Variants in ANGPT1 observed in about 807,000 individuals in gnomAD.
ANGPT1 encodes angiopoietin 1.
ANGPT1 carries 17 observed loss-of-function variants against 62.2 expected under a neutral mutation model. That is an observed-to-expected ratio of 0.27 (90% CI 0.19 to 0.41). The LOEUF is 0.41. Ranked by LOEUF, ANGPT1 falls within the 10% of genes least tolerant of loss-of-function variation. The pLI, the probability that ANGPT1 is intolerant of heterozygous loss-of-function variation, is 1.00. For missense variants in ANGPT1, 478 were observed against 594.9 expected (o/e 0.80, Z 2.04); for synonymous variants, 199 against 198.9 (o/e 1.00, Z 0.00).
chr8:107,377,144 C>A (rs189995556), intron 1 of ANGPT1, among the ~76,000 whole-genome samples: 221 of 152,288 alleles, frequency 1.5e-3, no homozygotes, highest in African/African-American at 5.1e-3. Context: ...TGTTTCATTT[C>A]ACTTCAATAC....
intron 1 of ANGPT1, among the ~76,000 whole-genome samples, chr8:107,442,083 C>A (rs1184680729): frequency 6.7e-5 from 10 of 149,998 alleles, no homozygotes; most frequent in Non-Finnish European, 1.3e-4. Context: ...CACTCCGTCT[C>A]AAAAAAAAAG....
At chr8:107,288,994 T>C (rs1814210066) in intron 6 of ANGPT1, among the ~76,000 whole-genome samples, 1 of 152,158 alleles carries the variant, frequency 6.6e-6, no homozygotes, top group South Asian at 2.1e-4. Context: ...CAGCAACGAA[T>C]GAGTAAACAA....
intron 3 of ANGPT1, among the ~76,000 whole-genome samples, chr8:107,330,330 G>A (rs1275079986): frequency 2.0e-5 from 3 of 152,108 alleles, no homozygotes; most frequent in African/African-American, 7.2e-5. Context: ...CAAATAATAT[G>A]TGACTTAGTC....
chr8:107,396,517 C>CTTTTTT (rs10686360), intron 1 of ANGPT1, among the ~76,000 whole-genome samples: 186 of 84,782 alleles, frequency 2.2e-3, no homozygotes, highest in East Asian at 4.1e-3. Context: ...TCTTTTCTCT[C>CTTTTTT]TTTTTTTTTT....
At chr8:107,374,497 G>A (rs1350917777) in intron 1 of ANGPT1, among the ~76,000 whole-genome samples, 1 of 152,206 alleles carries the variant, frequency 6.6e-6, no homozygotes, top group Admixed American at 6.5e-5. Context: ...CCAGCCAAGG[G>A]TGTAAGTGGG....
chr8:107,476,237 A>G (rs1586354909), intron 1 of ANGPT1, among the ~76,000 whole-genome samples: 1 of 152,352 alleles, frequency 6.6e-6, no homozygotes, highest in South Asian at 2.1e-4. Flanking sequence ...CATATACACC[A>G]TGGAATACTA....
In ANGPT1 at chr8:107,351,939, A is replaced by C. The variant is rs138490860; in HGVS notation, c.298-4842T>G. On this transcript the variant is annotated intron_variant, in intron 1 of 8. Transcript: ENST00000517746. ...CGCAGTTCATTGAATCTTTAGAACA[A>C]TCCAGGTACTGTAAGTATTATTTTC... Among the ~76,000 whole-genome samples, 16 of 152,286 alleles carry C rather than the reference A, an allele frequency of 1.1e-4. 1 individual carries two copies. The highest frequency in any genetic ancestry group is 1.9e-4 in the Non-Finnish European group (13 of 67,996).
At chr8:107,311,727 A>G (rs1814868630) in intron 4 of ANGPT1, among the ~76,000 whole-genome samples, 1 of 152,232 alleles carries the variant, frequency 6.6e-6, no homozygotes, top group Admixed American at 6.5e-5. Context: ...TCTCATGTGT[A>G]TAACAACGTA....
At chr8:107,378,721 C>G (rs908695487) in intron 1 of ANGPT1, among the ~76,000 whole-genome samples, 1 of 152,038 alleles carries the variant, frequency 6.6e-6, no homozygotes, top group African/African-American at 2.4e-5. Flanking sequence ...GGCTCTTCCC[C>G]CTTCCCTTGG....
chr8:107,347,176 A>G, intron 1 of ANGPT1, 79 bp from the exon 2 acceptor site: 2 of 1,418,154 alleles, frequency 1.4e-6, no homozygotes, highest in Admixed American at 1.9e-5. Flanking sequence ...TACAATAACA[A>G]AACAAGACAC....
At chr8:107,446,111 G>T (rs1351027515) in intron 1 of ANGPT1, among the ~76,000 whole-genome samples, 1 of 151,998 alleles carries the variant, frequency 6.6e-6, no homozygotes, top group Non-Finnish European at 1.5e-5. Flanking sequence ...TAGAGACTGG[G>T]TTTCACCATG....
intron 1 of ANGPT1, among the ~76,000 whole-genome samples, chr8:107,390,579 G>T (rs1217274424): frequency 6.6e-6 from 1 of 152,178 alleles, no homozygotes; most frequent in Non-Finnish European, 1.5e-5. Flanking sequence ...AGAGGATCCA[G>T]AATGAATCCT....
chr8:107,461,262 G>A (rs956308792), intron 1 of ANGPT1, among the ~76,000 whole-genome samples: 4 of 151,976 alleles, frequency 2.6e-5, no homozygotes, highest in African/African-American at 4.8e-5. Flanking sequence ...GGAAACTCTG[G>A]TAATTAATTA....
intron 1 of ANGPT1, among the ~76,000 whole-genome samples, chr8:107,483,892 A>G (rs1268709737): frequency 6.6e-6 from 1 of 152,206 alleles, no homozygotes; most frequent in Non-Finnish European, 1.5e-5. Flanking sequence ...GAAAAGTAAA[A>G]ATAGCAATGA....
At chr8:107,385,906 A>G (rs1816723370) in intron 1 of ANGPT1, among the ~76,000 whole-genome samples, 1 of 152,008 alleles carries the variant, frequency 6.6e-6, no homozygotes, top group Non-Finnish European at 1.5e-5. Flanking sequence ...TTTTGTTTTC[A>G]GTTCTGTTGC....
chr8:107,345,064 GA>G (rs929773861), intron 2 of ANGPT1, among the ~76,000 whole-genome samples: 3 of 151,970 alleles, frequency 2.0e-5, no homozygotes, highest in African/African-American at 7.2e-5. Context: ...AAATGAAAGT[GA>G]AAAAAACACA....
At chr8:107,386,664 G>A (rs989039722) in intron 1 of ANGPT1, among the ~76,000 whole-genome samples, 10 of 152,106 alleles carry the variant, frequency 6.6e-5, no homozygotes, top group Admixed American at 6.6e-4. Flanking sequence ...AACTTCAAGT[G>A]TGGTATTAAT....
chr8:107,403,143 C>G (rs906350601), intron 1 of ANGPT1, among the ~76,000 whole-genome samples: 2 of 152,110 alleles, frequency 1.3e-5, no homozygotes, highest in African/African-American at 4.8e-5. Flanking sequence ...TGTTAAAACT[C>G]TGTTATGATT....
At chr8:107,341,082 A>G (rs1202782086) in intron 2 of ANGPT1, among the ~76,000 whole-genome samples, 1 of 152,210 alleles carries the variant, frequency 6.6e-6, no homozygotes, top group South Asian at 2.1e-4. Flanking sequence ...AAAATGAACT[A>G]TCGAGATGCA....
Sources: gnomAD v4.1 joint callset for allele counts (sites outside exome capture counted in the v4.1 genomes callset) on GRCh38, gnomAD v4.1.1 for gene constraint, MANE v1.5 for transcripts, NCBI Gene and HGNC (gene_info 2026-07-23, HGNC 2026-07-21) for gene names.